ARHGAP11B: variants seen among roughly 807,000 people sequenced by gnomAD.
The protein encoded by ARHGAP11B is inactive Rho GTPase-activating protein 11B.
ARHGAP11B carries 14 observed loss-of-function variants against 27.6 expected under a neutral mutation model. The ratio of observed to expected loss-of-function variants is 0.51; its 90% CI spans 0.34 to 0.79. The LOEUF (loss-of-function observed/expected upper bound fraction) is 0.79. Ranked by LOEUF, ARHGAP11B falls within the 30% of genes least tolerant of loss-of-function variation. The pLI is 0.02. For synonymous variants in ARHGAP11B, 82 were observed against 114.1 expected, an observed-to-expected ratio of 0.72 and a Z score of 1.80; for missense variants, 245 against 320.1, an observed-to-expected ratio of 0.77 and a Z score of 1.79.
intron 6 of ARHGAP11B, among the ~76,000 whole-genome samples, chr15:30,636,999 A>T (rs915257970): frequency 3.3e-5 from 5 of 152,036 alleles, no homozygotes; most frequent in Admixed American, 2.0e-4. Context: ...TTTTTGGAGA[A>T]CACAATGCAA....
At chr15:30,629,375 C>T (rs2060229894) in intron 1 of ARHGAP11B, among the ~76,000 whole-genome samples, 1 of 151,788 alleles carries the variant, frequency 6.6e-6, no homozygotes, top group Non-Finnish European at 1.5e-5. Context: ...ACCCCCCCCG[C>T]CCCACGTCTC....
At position 30,643,549 on chromosome 15, in the gene ARHGAP11B, G is replaced by C. The variant is rs559196221; in HGVS notation, c.*79-1090G>C. Among the ~76,000 whole-genome samples the C allele has an allele frequency of 2.6e-5, 4 of 151,974 alleles. No individual in the cohort carries two copies. The East Asian group carries it at 7.8e-4, about 30-fold the overall frequency. ...GCCTAGGCCTGCCAAAGTGCTGGGC[G>C]TACAGGCGTGAGCCACGGCACCTGG... On this transcript the variant is annotated intron_variant, in intron 7 of 10. Transcript: ENST00000428041.
chr15:30,626,614 A>C (rs1008364241), exon 1 of ARHGAP11B: 1 of 658,362 alleles, frequency 1.5e-6, no homozygotes, highest in Non-Finnish European at 2.5e-6. Flanking sequence ...CAAAGGGCTA[A>C]GAGAAGCGGG....
At chr15:30,630,500 A>G (rs978111333) in intron 1 of ARHGAP11B, among the ~76,000 whole-genome samples, 12 of 151,864 alleles carry the variant, frequency 7.9e-5, no homozygotes, top group African/African-American at 2.9e-4. Flanking sequence ...CCATCTTTGT[A>G]CTCCCAGCAC....
intron 2 of ARHGAP11B, among the ~76,000 whole-genome samples, chr15:30,631,452 G>C (rs1225728775): frequency 6.6e-6 from 1 of 151,984 alleles, no homozygotes; most frequent in African/African-American, 2.4e-5. Flanking sequence ...CTTGAGCTCA[G>C]GATTTTGAGA....
Position 30,641,750 on chromosome 15 carries a change from T to G in ARHGAP11B, c.*79-2889T>G, listed in dbSNP as rs564889415. ...TTTATTTTTTGAGACGGAGTCTCGC[T>G]CTGTCTCCCAGGCTGGAGTACAGTG... is the stretch of plus-strand genomic sequence containing the variant. On this transcript the variant is annotated intron_variant, in intron 7 of 10. Transcript: ENST00000428041. The G allele has an allele frequency of 2.7e-3, 416 of 152,272 alleles. 1 individual carries two copies. Among genetic ancestry groups the G allele is most frequent in the Middle Eastern group, 0.014 (4 of 294 alleles). The allele number at this position is 152,272 out of a possible 1,614,324, so 9.4% of individuals were successfully genotyped here.
chr15:30,639,675 G>A (rs1372583487), intron 7 of ARHGAP11B, among the ~76,000 whole-genome samples: 1 of 151,990 alleles, frequency 6.6e-6, no homozygotes, highest in Non-Finnish European at 1.5e-5. Context: ...AAATTGCCAT[G>A]CCAGTAGATT....
chr15:30,639,449 CAG>C (rs764131132), intron 7 of ARHGAP11B, among the ~76,000 whole-genome samples: 91 of 151,314 alleles, frequency 6.0e-4, no homozygotes, highest in Non-Finnish European at 1.1e-3. Flanking sequence ...TAAGTAATTG[CAG>C]AGTGTTTTAG....
intron 9 of ARHGAP11B, among the ~76,000 whole-genome samples, chr15:30,646,741 G>A (rs1484983299): frequency 6.6e-6 from 1 of 151,706 alleles, no homozygotes; most frequent in East Asian, 1.9e-4. Flanking sequence ...AGGCTGAGGC[G>A]GGTGGATCAC....
At chr15:30,643,995 A>T (rs1412606486) in intron 7 of ARHGAP11B, among the ~76,000 whole-genome samples, 5 of 151,872 alleles carry the variant, frequency 3.3e-5, no homozygotes, top group Non-Finnish European at 5.9e-5. Context: ...CCTTGAATGG[A>T]GTCTTCTCTG....
At chr15:30,630,845 C>T (rs185665121) in intron 2 of ARHGAP11B, 72 bp downstream of exon 2, 15 of 1,607,882 alleles carry the variant, frequency 9.3e-6, no homozygotes, top group South Asian at 6.6e-5. Context: ...TTTGAGAGGC[C>T]GAGGTGGGCA....
intron 6 of ARHGAP11B, among the ~76,000 whole-genome samples, chr15:30,637,606 C>T (rs900839942): frequency 5.9e-5 from 9 of 151,920 alleles, no homozygotes; most frequent in Middle Eastern, 3.4e-3. Flanking sequence ...TGGTGGCGGG[C>T]GCCTGTAGTC....
chr15:30,647,251 T>G (rs1395655786), intron 9 of ARHGAP11B, among the ~76,000 whole-genome samples: 4 of 151,660 alleles, frequency 2.6e-5, no homozygotes, highest in Non-Finnish European at 5.9e-5. Context: ...TGGGCTCATG[T>G]TTAGCATCGA....
At chr15:30,644,286 C>T (rs1268676348) in intron 7 of ARHGAP11B, among the ~76,000 whole-genome samples, 1 of 151,934 alleles carries the variant, frequency 6.6e-6, no homozygotes, top group Non-Finnish European at 1.5e-5. Context: ...TTTTTGTATC[C>T]CCCTTAGCAC....
chr15:30,630,341 CA>C (rs1327735191), intron 1 of ARHGAP11B, among the ~76,000 whole-genome samples: 2 of 151,992 alleles, frequency 1.3e-5, no homozygotes, highest in Non-Finnish European at 2.9e-5. Flanking sequence ...ATCATTAAAG[CA>C]ACCTATAGTG....
intron 9 of ARHGAP11B, among the ~76,000 whole-genome samples, chr15:30,646,709 C>A (rs182926235): frequency 1.3e-5 from 2 of 150,778 alleles, no homozygotes; most frequent in Non-Finnish European, 1.5e-5. Flanking sequence ...GTGGCTCATG[C>A]CTGTAATCCC....
intron 1 of ARHGAP11B, among the ~76,000 whole-genome samples, chr15:30,629,578 C>T (rs2060231688): frequency 6.6e-6 from 1 of 151,906 alleles, no homozygotes; most frequent in African/African-American, 2.4e-5. Context: ...GTCATTTTTG[C>T]CTTCAGGAGC....
chr15:30,628,428 T>C (rs1024013113), intron 1 of ARHGAP11B, among the ~76,000 whole-genome samples: 38 of 152,192 alleles, frequency 2.5e-4, no homozygotes, highest in African/African-American at 8.4e-4. Context: ...CAGAGTCGGA[T>C]AGACCTGAGT....
exon 4 of ARHGAP11B, chr15:30,634,283 G>C (rs968996118): frequency 1.2e-6 from 2 of 1,612,984 alleles, no homozygotes; most frequent in African/African-American, 2.7e-5. Context: ...CAGCTGATTT[G>C]CATGAAGCAC....
Sources: gnomAD v4.1 joint callset for allele counts (sites outside exome capture counted in the v4.1 genomes callset) on GRCh38, gnomAD v4.1.1 for gene constraint, MANE v1.5 for transcripts, NCBI Gene and HGNC (gene_info 2026-07-23, HGNC 2026-07-21) for gene names.